SFSWAP: variants seen among roughly 807,000 people sequenced by gnomAD.
SFSWAP encodes splicing factor SWAP.
In SFSWAP, 17 loss-of-function variants were observed where a neutral mutation model predicts 100.7. The observed-to-expected ratio is 0.17, with a 90% CI of 0.12 to 0.25. The LOEUF (loss-of-function observed/expected upper bound fraction) is 0.25, where lower values mean the gene tolerates loss of function less well. SFSWAP is among the 10% of genes least tolerant of loss of function. The pLI, the probability that SFSWAP is intolerant of heterozygous loss-of-function variation, is 1.00. For synonymous variants in SFSWAP, 504 were observed against 510.1 expected (o/e 0.99, Z 0.16); for missense variants, 1,005 against 1,262.6 (o/e 0.80, Z 3.09).
chr12:131,744,073 C>T (rs1268163567), intron 7 of SFSWAP, among the ~76,000 whole-genome samples: 1 of 152,186 alleles, frequency 6.6e-6, no homozygotes, highest in African/African-American at 2.4e-5. Context: ...ACCACGAAAC[C>T]GTTTTTTCTT....
At chr12:131,795,245 G>A (rs999982408) in intron 15 of SFSWAP, among the ~76,000 whole-genome samples, 6 of 152,150 alleles carry the variant, frequency 3.9e-5, no homozygotes, top group Non-Finnish European at 5.9e-5. Flanking sequence ...AGCTGCCAGC[G>A]AGCACCGTCT....
intron 3 of SFSWAP, among the ~76,000 whole-genome samples, chr12:131,717,558 A>G (rs1226536088): frequency 3.3e-5 from 5 of 152,246 alleles, no homozygotes; most frequent in African/African-American, 7.2e-5. Context: ...ATAAAGGTAT[A>G]TATAAGAATA....
In SFSWAP at chr12:131,730,407, G is replaced by A. The variant is rs1171472651; in HGVS notation, c.1081+1979G>A. ...AAGCAGAGGACTAGAAATTCAGGGCGGGCTGACCTTGATTATTTGCTGTGC... is the reference window on the plus strand; with the variant it reads ...AAGCAGAGGACTAGAAATTCAGGGCAGGCTGACCTTGATTATTTGCTGTGC... On this transcript the variant is annotated intron_variant, in intron 7 of 17. Coordinates refer to ENST00000261674, the MANE Select transcript of SFSWAP (RefSeq NM_004592.4). The surrounding 1 kb of genome is among the most constrained non-coding windows in gnomAD (Gnocchi z 4.0). Among the ~76,000 whole-genome samples, 8 of 152,192 alleles carry A rather than the reference G, an allele frequency of 5.3e-5. No homozygotes were observed. Among genetic ancestry groups the A allele is most frequent in the East Asian group, 3.8e-4 (2 of 5,198 alleles).
At chr12:131,761,122 G>A (rs1051851910) in intron 11 of SFSWAP, among the ~76,000 whole-genome samples, 1 of 152,136 alleles carries the variant, frequency 6.6e-6, no homozygotes, top group Non-Finnish European at 1.5e-5. Flanking sequence ...TTTTACACAC[G>A]TGTGCCATTG....
At chr12:131,712,533 A>G (rs1189672756) in intron 1 of SFSWAP, 1 of 152,098 alleles carries the variant, frequency 6.6e-6, no homozygotes, top group Non-Finnish European at 1.5e-5. Context: ...GACCATTAAA[A>G]CTGGATTCTT....
chr12:131,779,316 T>TGAGGGTGTGTGAAGAGGGCG (rs1566051767), intron 14 of SFSWAP, among the ~76,000 whole-genome samples: 1 of 151,244 alleles, frequency 6.6e-6, no homozygotes, highest in Non-Finnish European at 1.5e-5. Flanking sequence ...GCGGCGCTGG[T>TGAGGGTGTGTGAAGAGGGCG]GCAGAATGTT....
At chr12:131,753,494 T>C (rs1881864019) in intron 8 of SFSWAP, 131 bp downstream of exon 8, 1 of 1,196,246 alleles carries the variant, frequency 8.4e-7, no homozygotes, top group African/African-American at 1.5e-5. Flanking sequence ...GAGTAGTTAT[T>C]ATTCCAAATC....
chr12:131,768,800 C>G (rs535783474), intron 13 of SFSWAP, among the ~76,000 whole-genome samples: 2 of 152,282 alleles, frequency 1.3e-5, no homozygotes, highest in Admixed American at 1.3e-4. Flanking sequence ...CAGTTATGGC[C>G]GAAGGATCTG....
At chr12:131,751,315 G>A (rs1268164857) in intron 7 of SFSWAP, among the ~76,000 whole-genome samples, 4 of 152,184 alleles carry the variant, frequency 2.6e-5, no homozygotes, top group African/African-American at 9.7e-5. Context: ...TTCAGATCCC[G>A]TCCTTTGTGG....
intron 13 of SFSWAP, among the ~76,000 whole-genome samples, chr12:131,773,563 T>C (rs577236928): frequency 6.6e-6 from 1 of 152,286 alleles, no homozygotes; most frequent in East Asian, 1.9e-4. Context: ...AGACTGGTCT[T>C]GAACTCCTGG....
chr12:131,799,053 A>G lies in SFSWAP; in HGVS notation c.2734A>G (p.Lys912Glu). The change falls in exon 17 of 18, where the codon AAA becomes GAA. Residue 912 changes from lysine (K) to glutamate (E), a missense_variant. Lys to Glu is a moderately conservative substitution (Grantham distance 56). Coordinates refer to ENST00000261674, the MANE Select transcript of SFSWAP (RefSeq NM_004592.4). ...CTGCATTAGGGGAGTCTCTCAGGAA[A>G]AAGAAGCCCAGATCTCTTCAGCAAT... The part of the protein sequence containing the change: ...QERSRGVSQE[K>E]EAQISSAIVS... 1 of 1,613,986 alleles carries G rather than the reference A, an allele frequency of 6.2e-7. No individual in the cohort carries two copies. Among genetic ancestry groups the G allele is most frequent in the Non-Finnish European group, 8.5e-7 (1 of 1,179,832 alleles).
chr12:131,798,953 T>G, intron 16 of SFSWAP, 84 bp from the exon 17 acceptor site: 1 of 946,550 alleles, frequency 1.1e-6, no homozygotes, highest in East Asian at 2.4e-5. Flanking sequence ...AGAGTTGGGG[T>G]TCGGAGGTGG....
Position 131,725,393 on chromosome 12 carries a change from G to A in SFSWAP, c.607-12G>A. ...ACAAATGGGTGACGTGAATATGTGTGTTTTCCCGTAGCCACCAACCGCTAA... is the reference window on the plus strand; with the variant it reads ...ACAAATGGGTGACGTGAATATGTGTATTTTCCCGTAGCCACCAACCGCTAA... On this transcript the variant is annotated splice_polypyrimidine_tract_variant and intron_variant, in intron 4 of 17. Transcript: ENST00000261674. This position sits in a 1 kb window ranked among gnomAD's most constrained non-coding sequence, Gnocchi z 4.3. The A allele has an allele frequency of 6.3e-7, 1 of 1,595,076 alleles. No homozygotes were observed.
At chr12:131,780,321 C>T (rs1240187229) in intron 14 of SFSWAP, among the ~76,000 whole-genome samples, 1 of 152,172 alleles carries the variant, frequency 6.6e-6, no homozygotes, top group Admixed American at 6.5e-5. Flanking sequence ...TGAAGGCTCC[C>T]AGGAACTTGT....
intron 11 of SFSWAP, among the ~76,000 whole-genome samples, chr12:131,761,015 T>G (rs1882629034): frequency 6.6e-6 from 1 of 152,172 alleles, no homozygotes; most frequent in Non-Finnish European, 1.5e-5. Flanking sequence ...GAAGTTGCAG[T>G]GAGCCTAGAT....
At position 131,777,508 on chromosome 12, in the gene SFSWAP, G is replaced by A. The variant is rs150822325; in HGVS notation, c.2143-557G>A. On this transcript the variant is annotated intron_variant, in intron 13 of 17. Transcript: ENST00000261674. ...TTATGGCTGCATAGTATTCCATGGTGTATATGTGCCGCATTTTCTTAATCC... is the reference window on the plus strand; with the variant it reads ...TTATGGCTGCATAGTATTCCATGGTATATATGTGCCGCATTTTCTTAATCC... 1.1e-4 allele frequency among the ~76,000 whole-genome samples: 16 copies of A among 152,326 alleles called. No homozygotes were observed. In the East Asian group the frequency reaches 2.9e-3, roughly 28 times the overall value.
intron 11 of SFSWAP, among the ~76,000 whole-genome samples, chr12:131,764,246 G>A (rs1882919408): frequency 6.6e-6 from 1 of 152,210 alleles, no homozygotes; most frequent in Non-Finnish European, 1.5e-5. Flanking sequence ...TCACAGCATG[G>A]TTCAGGGGCT....
rs772152170 is a variant in SFSWAP at position 131,794,762 on chromosome 12, G to C, written c.2535-2416G>C. On this transcript the variant is annotated intron_variant, in intron 15 of 17. Transcript: ENST00000261674. The surrounding 1 kb of genome is among the most constrained non-coding windows in gnomAD (Gnocchi z 4.8). ...GTGTCAGGGTGTGCGCACTTGCCAA[G>C]CTCAGCGGCAGCACCGAGGACAGCG... Among the ~76,000 whole-genome samples, 4 of 152,208 alleles carry C rather than the reference G, an allele frequency of 2.6e-5. No individual in the cohort carries two copies. The highest frequency in any genetic ancestry group is 4.4e-5 in the Non-Finnish European group (3 of 68,044).
intron 11 of SFSWAP, among the ~76,000 whole-genome samples, chr12:131,762,706 T>G (rs1386100040): frequency 6.6e-6 from 1 of 152,190 alleles, no homozygotes; most frequent in Non-Finnish European, 1.5e-5. Flanking sequence ...GTTCAAGTGA[T>G]TCCCCTGTCT....
Sources: allele counts gnomAD v4.1 joint callset (sites outside exome capture counted in the v4.1 genomes callset), GRCh38; gene constraint gnomAD v4.1.1; non-coding constraint Gnocchi (gnomAD v3.1); transcripts MANE v1.5; gene names NCBI Gene and HGNC (gene_info 2026-07-23, HGNC 2026-07-21).